OCM: variants seen among roughly 807,000 people sequenced by gnomAD.
The protein encoded by OCM is oncomodulin-1.
OCM carries 18 observed loss-of-function variants against 14.1 expected under a neutral mutation model. That is an observed-to-expected ratio of 1.28 (90% CI 0.88 to 1.89). The LOEUF is 1.89. OCM is among the 40% of genes most tolerant of loss of function. The pLI, the probability that OCM is intolerant of heterozygous loss-of-function variation, is 0.00. For synonymous variants in OCM, 48 were observed against 51.0 expected, an observed-to-expected ratio of 0.94 and a Z score of 0.25; for missense variants, 140 against 137.6, an observed-to-expected ratio of 1.02 and a Z score of -0.09.
intron 3 of OCM, among the ~76,000 whole-genome samples, chr7:5,885,789 T>G (rs1355702087): frequency 1.3e-5 from 2 of 152,068 alleles, no homozygotes; most frequent in African/African-American, 2.4e-5. Flanking sequence ...TTTTGTATTT[T>G]TAGTAGAGAC....
At chr7:5,885,995 T>A (rs371136495) in intron 3 of OCM, 69 bp from the exon 4 acceptor site, 2 of 1,609,112 alleles carry the variant, frequency 1.2e-6, no homozygotes, top group Admixed American at 1.7e-5. Flanking sequence ...GGAATTCTCA[T>A]TGGCCACGGC....
At chr7:5,878,754 CAAA>C (rs1209421248), upstream of OCM, among the ~76,000 whole-genome samples, 1 of 126,244 alleles carries the variant, frequency 7.9e-6, no homozygotes, top group Non-Finnish European at 1.7e-5. Context: ...TCTCAAAAAA[CAAA>C]AAAAAAAAAT....
chr7:5,865,979 G>A, the OCM span, among the ~76,000 whole-genome samples: 3 of 152,002 alleles, frequency 2.0e-5, no homozygotes, highest in East Asian at 5.8e-4. Flanking sequence ...ATAATTTCAG[G>A]GCAGTTTAAG....
intron 1 of OCM, among the ~76,000 whole-genome samples, chr7:5,881,165 A>C (rs913239710): frequency 6.6e-6 from 1 of 151,822 alleles, no homozygotes; most frequent in Non-Finnish European, 1.5e-5. Context: ...AAAAATACAA[A>C]AAAATTAACC....
At chr7:5,866,490 TAGGAAAGGAGGGAGGG>T in the OCM span, among the ~76,000 whole-genome samples, 4 of 145,672 alleles carry the variant, frequency 2.7e-5, no homozygotes, top group African/African-American at 1.0e-4. Flanking sequence ...AAAAGGAAGT[TAGGAAAGGAGGGAGGG>T]AGGGAAGGAA....
chr7:5,872,718 C>G, the OCM span, among the ~76,000 whole-genome samples: 2 of 152,076 alleles, frequency 1.3e-5, no homozygotes, highest in Admixed American at 6.6e-5. Context: ...ATCTCAAGTA[C>G]CCAGGGACAC....
upstream of OCM, among the ~76,000 whole-genome samples, chr7:5,875,107 T>C (rs189650483): frequency 1.2e-3 from 181 of 151,236 alleles, no homozygotes; most frequent in African/African-American, 4.3e-3. Flanking sequence ...CAGGCTGGAA[T>C]GTAGTGGCAC....
chr7:5,861,716 A>G, the OCM span, among the ~76,000 whole-genome samples: 2 of 151,850 alleles, frequency 1.3e-5, no homozygotes, highest in Non-Finnish European at 2.9e-5. Context: ...TTGGCATCTC[A>G]TTGTGGTTTT....
intron 3 of OCM, among the ~76,000 whole-genome samples, chr7:5,885,558 A>G (rs1029340669): frequency 6.6e-6 from 1 of 151,760 alleles, no homozygotes; most frequent in African/African-American, 2.4e-5. Flanking sequence ...AACCCTGTGA[A>G]CTTCCTCGAG....
At chr7:5,876,165 C>T (rs781035666), upstream of OCM, among the ~76,000 whole-genome samples, 9 of 152,060 alleles carry the variant, frequency 5.9e-5, no homozygotes, top group African/African-American at 1.2e-4. Context: ...ACCACCACGC[C>T]GGGTTAATTT....
upstream of OCM, among the ~76,000 whole-genome samples, chr7:5,878,437 A>G (rs1781140290): frequency 6.6e-6 from 1 of 151,758 alleles, no homozygotes; most frequent in Admixed American, 6.6e-5. Flanking sequence ...CTATTGTACT[A>G]TACATACACT....
At chr7:5,867,224 C>T in the OCM span, among the ~76,000 whole-genome samples, 12 of 152,178 alleles carry the variant, frequency 7.9e-5, no homozygotes, top group East Asian at 3.9e-4. Flanking sequence ...GGTGCAGTGG[C>T]GTGCACCTGT....
the OCM span, among the ~76,000 whole-genome samples, chr7:5,864,199 C>T: frequency 6.6e-6 from 1 of 151,608 alleles, no homozygotes; most frequent in South Asian, 2.1e-4. Flanking sequence ...ATTAGCCAGG[C>T]ATGGTGGTGC....
chr7:5,869,067 A>G, the OCM span, among the ~76,000 whole-genome samples: 1 of 151,838 alleles, frequency 6.6e-6, no homozygotes, highest in Admixed American at 6.6e-5. Context: ...TGTCTCAAAA[A>G]CAAACAAAAC....
intron 3 of OCM, 30 bp from the exon 4 acceptor site, chr7:5,886,034 C>T (rs1337117213): frequency 2.5e-6 from 4 of 1,613,992 alleles, no homozygotes; most frequent in Non-Finnish European, 3.4e-6. Flanking sequence ...GCCACCTCCA[C>T]TGACCCTGTT....
intron 3 of OCM, among the ~76,000 whole-genome samples, chr7:5,884,806 A>AG (rs889693968): frequency 2.6e-5 from 4 of 152,014 alleles, no homozygotes; most frequent in African/African-American, 9.7e-5. Context: ...AGATTAGGTA[A>AG]GGGGGGATTG....
chr7:5,868,233 A>G, the OCM span, among the ~76,000 whole-genome samples: 1 of 151,750 alleles, frequency 6.6e-6, no homozygotes, highest in Non-Finnish European at 1.5e-5. Flanking sequence ...TACAACCTCA[A>G]CCACCTGGGC....
chr7:5,874,721 G>C, the OCM span, among the ~76,000 whole-genome samples: 29 of 152,062 alleles, frequency 1.9e-4, no homozygotes, highest in African/African-American at 6.5e-4. Flanking sequence ...ACCCAGGCTG[G>C]TCTCAAACTC....
intron 1 of OCM, among the ~76,000 whole-genome samples, chr7:5,881,435 A>T (rs1272908997): frequency 6.6e-6 from 1 of 152,074 alleles, no homozygotes; most frequent in South Asian, 2.1e-4. Context: ...CAGCCTGGGC[A>T]ACATAGGAAG....
Sources: allele counts gnomAD v4.1 joint callset (sites outside exome capture counted in the v4.1 genomes callset), GRCh38; gene constraint gnomAD v4.1.1; transcripts MANE v1.5; gene names NCBI Gene and HGNC (gene_info 2026-07-23, HGNC 2026-07-21).